Variants in CHD5 observed in about 807,000 individuals in gnomAD.
CHD5 encodes ATP-dependent chromatin remodeler CHD5.
Under a neutral mutation model 230.3 loss-of-function variants are expected in CHD5, and 69 were observed. That is an observed-to-expected ratio of 0.30 (90% confidence interval 0.25 to 0.37). CHD5 has a LOEUF of 0.37. Among genes scored for constraint, CHD5 ranks in the 10% least tolerant of loss-of-function variants. The probability of loss-of-function intolerance (pLI) is 1.00; values close to 1 mark genes in which losing one functional copy is unlikely to be tolerated. For missense variants in CHD5, 1,827 were observed against 2,622.8 expected (o/e 0.70, Z 6.63); for synonymous variants, 1,064 against 1,065.9 (o/e 1.00, Z 0.03).
At position 6,127,045 on chromosome 1, in the gene CHD5, G is replaced by C. The variant is rs567324565; in HGVS notation, c.3904-299C>G. 22 of 425,554 alleles carry C rather than the reference G, an allele frequency of 5.2e-5. No individual in the cohort carries two copies. In the South Asian group the frequency reaches 5.3e-4, roughly 10 times the overall value. The allele number at this position is 425,554 out of a possible 1,614,324, so 26.4% of individuals were successfully genotyped here. A position where few individuals can be genotyped will look rare whatever the true frequency, so the allele number is the denominator to read the frequency against. ...TAAGCTCCCCCTTGCCTGCCCTCAG[G>C]AGGCTCCTGGTTTCAAAGGAAAAGG... On this transcript the variant is annotated intron_variant, in intron 25 of 41. Transcript: ENST00000262450.
chr1:6,118,580 G>A (rs576212336), intron 33 of CHD5, among the ~76,000 whole-genome samples: 1 of 152,290 alleles, frequency 6.6e-6, no homozygotes, highest in South Asian at 2.1e-4. Context: ...AAGAAATGGG[G>A]AGTGATTACC....
At chr1:6,156,475 G>C (rs1667082340) in intron 3 of CHD5, among the ~76,000 whole-genome samples, 1 of 149,838 alleles carries the variant, frequency 6.7e-6, no homozygotes, top group South Asian at 2.1e-4. Context: ...GACGGAGGTT[G>C]CAGTGAGCCG....
In CHD5 at chr1:6,130,099, G is replaced by A; in HGVS notation, c.3387+105C>T. ...CGGGGGAGGGAGGCCCACAGCACCA[G>A]GATAGGTGAGGGGGTGATGGCAAGA... is the stretch of plus-strand genomic sequence containing the variant. On this transcript the variant is annotated intron_variant, in intron 22 of 41. Transcript: ENST00000262450. This position sits in a 1 kb window ranked among gnomAD's most constrained non-coding sequence, Gnocchi z 4.9. 3.0e-6 allele frequency: 4 copies of A among 1,349,238 alleles called. No homozygotes were observed. Among genetic ancestry groups the A allele is most frequent in the Non-Finnish European group, 4.2e-6 (4 of 962,966 alleles). The allele number at this position is 1,349,238 out of a possible 1,614,324, so 83.6% of individuals were successfully genotyped here. A position where few individuals can be genotyped will look rare whatever the true frequency, so the allele number is the denominator to read the frequency against.
At chr1:6,120,939 G>A (rs1249503969) in intron 33 of CHD5, among the ~76,000 whole-genome samples, 166 bp downstream of exon 33, 1 of 151,956 alleles carries the variant, frequency 6.6e-6, no homozygotes, top group Non-Finnish European at 1.5e-5. Context: ...CATGTATAGA[G>A]GCCTGAGCTC....
At chr1:6,159,968 A>G (rs1002967747) in intron 2 of CHD5, among the ~76,000 whole-genome samples, 14 of 150,840 alleles carry the variant, frequency 9.3e-5, no homozygotes, top group Non-Finnish European at 7.4e-5. Context: ...AGAGTCAAAA[A>G]GCAAAGTGCA....
chr1:6,109,025 C>T (rs894712981), intron 38 of CHD5, among the ~76,000 whole-genome samples: 1 of 151,968 alleles, frequency 6.6e-6, no homozygotes, highest in African/African-American at 2.4e-5. Flanking sequence ...CAGGGGGTGC[C>T]CTGCACCAGG....
At position 6,130,991 on chromosome 1, in the gene CHD5, T is replaced by C. The variant is rs921761515; in HGVS notation, c.3262+640A>G. Among the ~76,000 whole-genome samples, 1 of 152,258 alleles carries C rather than the reference T, an allele frequency of 6.6e-6. No homozygotes were observed. The highest frequency in any genetic ancestry group is 6.5e-5 in the Admixed American group (1 of 15,292). ...CTCTGGCACAAGTGTTTGAGAGGAA[T>C]CACTGCTTTGGGCGTTTGGAGAGCG... On this transcript the variant is annotated intron_variant, in intron 21 of 41. Transcript: ENST00000262450. This position sits in a 1 kb window ranked among gnomAD's most constrained non-coding sequence, Gnocchi z 4.9.
Position 6,125,274 on chromosome 1 carries a change from AG to A in CHD5, c.4261-42del. ...GTGGGAGTATGAGCCCAGGACAGAG[AG>A]GGGTGGGGGTGGAGGATTCTGGGAT... is the stretch of plus-strand genomic sequence containing the variant. On this transcript the variant is annotated intron_variant, in intron 28 of 41. Transcript: ENST00000262450. The surrounding 1 kb of genome is among the most constrained non-coding windows in gnomAD (Gnocchi z 6.7). 3.1e-6 allele frequency: 2 copies of A among 653,194 alleles called. No homozygotes were observed. Among genetic ancestry groups the A allele is most frequent in the Non-Finnish European group, 2.3e-6 (1 of 429,700 alleles). The allele number at this position is 653,194 out of a possible 1,614,324, so 40.5% of individuals were successfully genotyped here.
At chr1:6,159,271 C>T (rs1295674704) in intron 3 of CHD5, 65 bp downstream of exon 3, 12 of 1,538,778 alleles carry the variant, frequency 7.8e-6, no homozygotes, top group Non-Finnish European at 1.1e-5. Context: ...AACATACAGG[C>T]AAGAGGCTCA....
Position 6,179,949 on chromosome 1 carries a change from C to A in CHD5, c.75G>T (p.Met25Ile). Residue 25 changes from methionine to isoleucine, a missense_variant, in exon 1 of 42, where the codon ATG becomes ATT. By Grantham distance (10) the Met-to-Ile change is conservative. This residue lies in a region of CHD5 where 113 missense variants were observed against 91.9 expected (regional missense o/e 1.23). Transcript: ENST00000262450. ...FAEEMENEDE[M>I]SEEEDGGLEA... ...GCGCACCCGCGCCCCGCTCACCTGA[C>A]ATCTCGTCCTCATTCTCCATCTCCT... 1 of 1,351,490 alleles carries A rather than the reference C, an allele frequency of 7.4e-7. No individual in the cohort carries two copies. The highest frequency in any genetic ancestry group is 1.3e-5 in the South Asian group (1 of 74,924). 83.7% of individuals were successfully genotyped at this position (1,351,490 alleles called of 1,614,324 possible). A position where few individuals can be genotyped will look rare whatever the true frequency, so the allele number is the denominator to read the frequency against.
intron 31 of CHD5, among the ~76,000 whole-genome samples, chr1:6,122,034 T>C (rs962916889): frequency 6.6e-6 from 1 of 151,880 alleles, no homozygotes; most frequent in Admixed American, 6.6e-5. Flanking sequence ...CCCCGGGAGG[T>C]GGGCACAGCC....
rs1557547572 is a variant in CHD5 at position 6,134,834 on chromosome 1, G to A, written c.2896C>T (p.Arg966Trp). 2 of 1,614,134 alleles carry A rather than the reference G, an allele frequency of 1.2e-6. No individual in the cohort carries two copies. The highest frequency in any genetic ancestry group is 1.7e-6 in the Non-Finnish European group (2 of 1,179,996). The change falls in exon 19 of 42, where the codon CGG becomes TGG. Residue 966 changes from arginine to tryptophan, a missense_variant. Around this residue, in one of 14 missense-constraint regions of CHD5, gnomAD observed 52 missense variants for 164.5 expected, o/e 0.32. Transcript: ENST00000262450. The surrounding 1 kb of genome is among the most constrained non-coding windows in gnomAD (Gnocchi z 6.3). ...TTGGAGTTCAGTGCCTCAAAGTTCC[G>A]TGTGAGGATGAACTTGTAGTACTTC... Reference protein sequence around the residue: ...QKKYYKFILTRNFEALNSKGG... With the variant: ...QKKYYKFILTWNFEALNSKGG...
intron 15 of CHD5, among the ~76,000 whole-genome samples, chr1:6,141,610 A>T (rs879755456): frequency 2.0e-5 from 3 of 152,098 alleles, no homozygotes; most frequent in Admixed American, 1.3e-4. Context: ...GTGTCTCAAA[A>T]AAATAAATAA....
At position 6,122,422 on chromosome 1, in the gene CHD5, A is replaced by G. The variant is rs543497450; in HGVS notation, c.4700-849T>C. Among the ~76,000 whole-genome samples, 26 of 152,354 alleles carry G rather than the reference A, an allele frequency of 1.7e-4. No homozygotes were observed. In the South Asian group the frequency reaches 5.4e-3, roughly 32 times the overall value. On this transcript the variant is annotated intron_variant, in intron 31 of 41. Transcript: ENST00000262450. The stretch of plus-strand genomic sequence containing the variant: ...CGTCCTTGGCATCAGGGAAATGCCA[A>G]TCAGAACCACAGTGAGACACCACCT...
At chr1:6,152,843 G>A (rs991917080) in intron 5 of CHD5, among the ~76,000 whole-genome samples, 1 of 152,206 alleles carries the variant, frequency 6.6e-6, no homozygotes, top group Non-Finnish European at 1.5e-5. Flanking sequence ...ACCACTGAAA[G>A]GAGGCACTAG....
chr1:6,141,100 A>G (rs1447987922), intron 15 of CHD5, among the ~76,000 whole-genome samples: 1 of 151,482 alleles, frequency 6.6e-6, no homozygotes, highest in East Asian at 1.9e-4. Flanking sequence ...CCTGGGCAAC[A>G]TGGTAAAACC....
chr1:6,106,951 A>G (rs999475031), intron 38 of CHD5, among the ~76,000 whole-genome samples, 172 bp from the exon 39 acceptor site: 9 of 5,374 alleles, frequency 1.7e-3, no homozygotes, highest in East Asian at 4.6e-3. Flanking sequence ...GGGATGGAGG[A>G]GAGGAGGGGT....
At position 6,134,279 on chromosome 1, in the gene CHD5, T is replaced by G. The variant is rs1571151439; in HGVS notation, c.3013-20A>C. 3 of 1,609,916 alleles carry G rather than the reference T, an allele frequency of 1.9e-6. No homozygotes were observed. The highest frequency in any genetic ancestry group is 2.5e-6 in the Non-Finnish European group (3 of 1,179,556). Reference sequence around the variant, plus strand: ...GGCCTCCTGCAGACACAGCAGGAGGTGGGGCATTGGTGGGCTCCCCTCTCC... The same window carrying G: ...GGCCTCCTGCAGACACAGCAGGAGGGGGGGCATTGGTGGGCTCCCCTCTCC... On this transcript the variant is annotated intron_variant, in intron 19 of 41. Coordinates refer to ENST00000262450, the MANE Select transcript of CHD5 (RefSeq NM_015557.3). The surrounding 1 kb of genome is among the most constrained non-coding windows in gnomAD (Gnocchi z 6.3).
At chr1:6,148,282 C>T (rs1296100659) in intron 9 of CHD5, among the ~76,000 whole-genome samples, 1 of 152,012 alleles carries the variant, frequency 6.6e-6, no homozygotes, top group East Asian at 1.9e-4. Context: ...TGGGGGGTGC[C>T]CCTCTTCCTG....
Sources: allele counts gnomAD v4.1 joint callset (sites outside exome capture counted in the v4.1 genomes callset), GRCh38; gene constraint gnomAD v4.1.1; regional missense constraint gnomAD v4.1.1; non-coding constraint Gnocchi (gnomAD v3.1); transcripts MANE v1.5; gene names NCBI Gene and HGNC (gene_info 2026-07-23, HGNC 2026-07-21).